The following TIAM2 variants were observed in gnomAD, a reference collection of about 807,000 sequenced individuals.
TIAM2 encodes TIAM Rac1 associated GEF 2.
In TIAM2, 80 loss-of-function variants were observed where a neutral mutation model predicts 152.9. The observed-to-expected ratio is 0.52, with a 90% CI of 0.44 to 0.63. TIAM2 has a LOEUF of 0.63. Among genes scored for constraint, TIAM2 ranks in the 30% least tolerant of loss-of-function variants. The pLI is 0.00. For synonymous variants in TIAM2, 804 were observed against 838.0 expected, an observed-to-expected ratio of 0.96 and a Z score of 0.70; for missense variants, 1,965 against 2,120.1, an observed-to-expected ratio of 0.93 and a Z score of 1.44.
intron 23 of TIAM2, among the ~76,000 whole-genome samples, chr6:155,252,447 C>T (rs1025132168): frequency 1.6e-4 from 25 of 152,068 alleles, no homozygotes; most frequent in Admixed American, 7.2e-4. Flanking sequence ...CCAGCCTGTG[C>T]GACAGAGTGA....
intron 1 of TIAM2, among the ~76,000 whole-genome samples, chr6:155,072,507 C>T (rs973976586): frequency 1.2e-4 from 18 of 151,922 alleles, no homozygotes; most frequent in East Asian, 5.8e-4. Context: ...CTTTCCAGAG[C>T]GGCTGGACAG....
chr6:155,082,666 C>CAATAAATAATA lies in TIAM2; in HGVS notation c.-208-7614_-208-7613insTAAATAAATAA, dbSNP rs1554228917. Among the ~76,000 whole-genome samples the CAATAAATAATA allele has an allele frequency of 1.4e-3, 199 of 141,374 alleles. 3 individuals are homozygous for CAATAAATAATA. The South Asian group carries it at 0.021, about 15-fold the overall frequency. The allele number at this position is 141,374 out of a possible 152,430, so 92.7% of individuals were successfully genotyped here. A position where few individuals can be genotyped will look rare whatever the true frequency, so the allele number is the denominator to read the frequency against. ...ACTCCATCTCAACCCAAAAAAACCC[C>CAATAAATAATA]AATAAATAAATAAATAAATAAATAA... On this transcript the variant is annotated intron_variant, in intron 1 of 26. Coordinates refer to ENST00000682666, the MANE Select transcript of TIAM2 (RefSeq NM_012454.4).
intron 26 of TIAM2, 135 bp downstream of exon 26, chr6:155,254,708 C>T (rs966695310): frequency 1.3e-5 from 15 of 1,113,478 alleles, no homozygotes; most frequent in East Asian, 5.1e-5. Context: ...TTTAAGAAAC[C>T]TAAACATGCC....
At chr6:155,124,306 C>A (rs970900664) in intron 2 of TIAM2, among the ~76,000 whole-genome samples, 6 of 152,188 alleles carry the variant, frequency 3.9e-5, no homozygotes, top group East Asian at 1.9e-4. Flanking sequence ...CAGGCTTGAG[C>A]CACCATGCCC....
chr6:155,056,233 G>A (rs532826448), intron 1 of TIAM2, among the ~76,000 whole-genome samples: 6 of 142,494 alleles, frequency 4.2e-5, no homozygotes, highest in African/African-American at 1.6e-4. Context: ...GTGCAGTGGC[G>A]CGATCTCGGC....
chr6:155,048,885 T>C (rs148776116), intron 1 of TIAM2, among the ~76,000 whole-genome samples: 7,795 of 151,712 alleles, frequency 0.051, 692 homozygotes, highest in African/African-American at 0.18. Flanking sequence ...ACTGCAACCT[T>C]TGCCTCCTGG....
chr6:155,184,067 C>T (rs1412954465), intron 14 of TIAM2, among the ~76,000 whole-genome samples: 1 of 152,152 alleles, frequency 6.6e-6, no homozygotes, highest in African/African-American at 2.4e-5. Context: ...CAGCTCACTG[C>T]AAGCTCTGTC....
At chr6:155,154,061 AT>A (rs1313366328) in intron 7 of TIAM2, among the ~76,000 whole-genome samples, 2 of 152,256 alleles carry the variant, frequency 1.3e-5, no homozygotes, top group Non-Finnish European at 2.9e-5. Context: ...GTATTTACAG[AT>A]CAAGACCAAT....
At chr6:155,123,321 A>G (rs903608895) in intron 2 of TIAM2, among the ~76,000 whole-genome samples, 2 of 152,090 alleles carry the variant, frequency 1.3e-5, no homozygotes, top group Non-Finnish European at 2.9e-5. Context: ...ATGGAAATGT[A>G]TCCTCGTGAG....
At chr6:155,002,261 A>C (rs1778326263) in intron 1 of TIAM2, among the ~76,000 whole-genome samples, 1 of 152,136 alleles carries the variant, frequency 6.6e-6, no homozygotes, top group South Asian at 2.1e-4. Context: ...AAATACAAAA[A>C]TTAGCTGGGC....
rs1219209030 is a variant in TIAM2, at chr6:154,995,329, C to G, written c.-372C>G. The G allele has an allele frequency of 2.0e-5, 3 of 151,262 alleles. No homozygotes were observed. Among genetic ancestry groups the G allele is most frequent in the African/African-American group, 4.8e-5 (2 of 41,302 alleles). The allele number at this position is 151,262 out of a possible 1,614,324, so 9.4% of individuals were successfully genotyped here. On this transcript the variant is annotated 5_prime_UTR_variant, in exon 1 of 27. Transcript: ENST00000682666. This position sits in a 1 kb window ranked among gnomAD's most constrained non-coding sequence, Gnocchi z 5.2. ...GGGGCTGGGGCAGCGGTAACCGTAA[C>G]TGTGGCCGCGGCCGCCGCAGGCGCA...
At chr6:155,104,838 G>A (rs141447293) in intron 2 of TIAM2, among the ~76,000 whole-genome samples, 19 of 152,252 alleles carry the variant, frequency 1.2e-4, no homozygotes, top group Non-Finnish European at 2.1e-4. Flanking sequence ...TGCCTATATG[G>A]GTAGATGGAT....
intron 2 of TIAM2, among the ~76,000 whole-genome samples, chr6:155,091,755 G>C (rs1778309400): frequency 6.6e-6 from 1 of 152,090 alleles, no homozygotes; most frequent in Admixed American, 6.5e-5. Flanking sequence ...CCTTGGAGAG[G>C]TGTTTGTGCT....
At chr6:155,083,348 CAAAA>C (rs574203207) in intron 1 of TIAM2, among the ~76,000 whole-genome samples, 11 of 89,922 alleles carry the variant, frequency 1.2e-4, no homozygotes, top group Non-Finnish European at 1.2e-4. Context: ...GACTTTATCT[CAAAA>C]AAAAAAAAAA....
chr6:155,100,190 T>G (rs1457280319), intron 2 of TIAM2, among the ~76,000 whole-genome samples: 1 of 152,138 alleles, frequency 6.6e-6, no homozygotes, highest in Non-Finnish European at 1.5e-5. Flanking sequence ...GAGCAGAAGT[T>G]TGGGTCGTCT....
At chr6:155,195,550 G>C (rs1188100309) in intron 14 of TIAM2, among the ~76,000 whole-genome samples, 2 of 152,180 alleles carry the variant, frequency 1.3e-5, no homozygotes, top group East Asian at 1.9e-4. Context: ...CCTTGCCCAC[G>C]TGGAGCTTAC....
intron 8 of TIAM2, 141 bp downstream of exon 8, chr6:155,164,741 G>C (rs1780374979): frequency 2.9e-6 from 3 of 1,032,012 alleles, no homozygotes; most frequent in East Asian, 2.4e-5. Context: ...CAGAGGCCAG[G>C]GGCCTGGAGA....
chr6:155,077,503 C>T (rs964902125), intron 1 of TIAM2, among the ~76,000 whole-genome samples: 2 of 152,112 alleles, frequency 1.3e-5, no homozygotes, highest in East Asian at 1.9e-4. Flanking sequence ...TTGTTAGTAA[C>T]GGACATTGAG....
chr6:155,253,153 T>C, intron 24 of TIAM2, 100 bp downstream of exon 24: 1 of 984,128 alleles, frequency 1.0e-6, no homozygotes, highest in East Asian at 2.8e-5. Flanking sequence ...TTTTGGTGCC[T>C]TTTATTTTAT....
Sources: allele counts gnomAD v4.1 joint callset (sites outside exome capture counted in the v4.1 genomes callset), GRCh38; gene constraint gnomAD v4.1.1; non-coding constraint Gnocchi (gnomAD v3.1); transcripts MANE v1.5; gene names NCBI Gene and HGNC (gene_info 2026-07-23, HGNC 2026-07-21).